SAV1: variants seen among roughly 807,000 people sequenced by gnomAD.
The protein encoded by SAV1 is salvador family WW domain containing protein 1.
A neutral mutation model predicts 47.3 loss-of-function variants in SAV1; 23 were observed. That is an observed-to-expected ratio of 0.49 (90% CI 0.35 to 0.69). The LOEUF is 0.69. Among genes scored for constraint, SAV1 ranks in the 30% least tolerant of loss-of-function variants. SAV1 has a pLI of 0.01. For synonymous variants in SAV1, 155 were observed against 159.2 expected, an observed-to-expected ratio of 0.97 and a Z score of 0.20; for missense variants, 448 against 457.4, an observed-to-expected ratio of 0.98 and a Z score of 0.19.
chr14:50,648,774 T>C (rs2140254386), intron 2 of SAV1, among the ~76,000 whole-genome samples: 1 of 150,934 alleles, frequency 6.6e-6, no homozygotes, highest in Non-Finnish European at 1.5e-5. Context: ...CAAGACTCCG[T>C]CTCAAAAAAA....
intron 1 of SAV1, among the ~76,000 whole-genome samples, chr14:50,666,553 G>C (rs1349651511): frequency 1.3e-5 from 2 of 151,994 alleles, no homozygotes; most frequent in Non-Finnish European, 2.9e-5. Context: ...TTGATGTAAC[G>C]ACAACAAAAC....
intron 4 of SAV1, chr14:50,638,023 C>T (rs17122714): frequency 0.18 from 27,062 of 151,966 alleles, 2,754 homozygotes; most frequent in African/African-American, 0.27. Context: ...ATCAAGAGTA[C>T]GATTATGGGT....
At chr14:50,635,407 A>G (rs761431681) in intron 4 of SAV1, 23 bp from the exon 5 acceptor site, 3 of 1,570,144 alleles carry the variant, frequency 1.9e-6, no homozygotes, top group Admixed American at 1.7e-5. Flanking sequence ...ACAATCATAT[A>G]TATGTTCACA....
intron 4 of SAV1, chr14:50,637,663 A>ATTTTTTTTTTTTTTT (rs771403561): frequency 7.8e-6 from 1 of 128,768 alleles, no homozygotes. Context: ...CAATTTTGTC[A>ATTTTTTTTTTTTTTT]GTTTTTTTTT....
At chr14:50,647,755 T>A (rs2039734966) in intron 2 of SAV1, among the ~76,000 whole-genome samples, 1 of 152,148 alleles carries the variant, frequency 6.6e-6, no homozygotes, top group Admixed American at 6.5e-5. Context: ...TACACGTCTA[T>A]GAAAATGGCC....
rs1206312840 is a variant in SAV1 at position 50,667,409 on chromosome 14, A to G, written c.94+465T>C. 5.3e-5 allele frequency: 24 copies of G among 456,100 alleles called. No homozygotes were observed. The Admixed American group carries it at 5.6e-4, about 11-fold the overall frequency. The allele number at this position is 456,100 out of a possible 1,614,324, so 28.3% of individuals were successfully genotyped here. A position where few individuals can be genotyped will look rare whatever the true frequency, so the allele number is the denominator to read the frequency against. On this transcript the variant is annotated intron_variant, in intron 1 of 4. Coordinates refer to ENST00000324679, the MANE Select transcript of SAV1 (RefSeq NM_021818.4). ...TCTCAAGTCTGCATCCGGCAGCAGG[A>G]CTAAGGAATTCTGCCCCAGAGTTCG...
At chr14:50,642,338 A>C (rs2039687165) in intron 3 of SAV1, among the ~76,000 whole-genome samples, 1 of 151,956 alleles carries the variant, frequency 6.6e-6, no homozygotes, top group Non-Finnish European at 1.5e-5. Context: ...AAAATACAAA[A>C]CTTAACCAGG....
intron 3 of SAV1, among the ~76,000 whole-genome samples, chr14:50,643,383 G>C (rs908115295): frequency 1.3e-5 from 2 of 152,164 alleles, no homozygotes; most frequent in African/African-American, 4.8e-5. Flanking sequence ...AGATGAAGGG[G>C]AAGCAAGGCA....
Position 50,644,815 on chromosome 14 carries a change from T to C in SAV1, c.735A>G (p.Ser245=). The stretch of plus-strand genomic sequence containing the variant: ...CTACATAATAGGTTCCAAATTCGGA[T>C]GACTCAACTCGTTCCCATCCAGGAG... The part of the protein sequence containing the change: ...GLPPGWERVE[S]SEFGTYYVDH... The change falls in exon 3 of 5, where the codon TCA becomes TCG. Residue 245 remains serine, a synonymous_variant. Coordinates refer to ENST00000324679, the MANE Select transcript of SAV1 (RefSeq NM_021818.4). 1 of 1,614,188 alleles carries C rather than the reference T, an allele frequency of 6.2e-7. No homozygotes were observed. The highest frequency in any genetic ancestry group is 8.5e-7 in the Non-Finnish European group (1 of 1,180,016).
In SAV1 at chr14:50,662,212, AGGCT is replaced by A. The variant is rs1363339870; in HGVS notation, c.535+2963_535+2966del. The stretch of plus-strand genomic sequence containing the variant: ...GAGACGGAGTCTCACTCTGTTGCCC[AGGCT>A]GGAGTGCAGTGGCGCAATCTCAGCT... On this transcript the variant is annotated intron_variant, in intron 2 of 4. Transcript: ENST00000324679. 2.2e-4 allele frequency among the ~76,000 whole-genome samples: 34 copies of A among 152,272 alleles called. No individual in the cohort carries two copies. The East Asian group carries it at 6.2e-3, about 28-fold the overall frequency.
chr14:50,648,858 G>C (rs2039744451), intron 2 of SAV1, among the ~76,000 whole-genome samples: 1 of 151,950 alleles, frequency 6.6e-6, no homozygotes, highest in African/African-American at 2.4e-5. Flanking sequence ...GTATTTATTT[G>C]GTTCACCACA....
At chr14:50,659,228 T>C (rs2039838767) in intron 2 of SAV1, among the ~76,000 whole-genome samples, 1 of 152,076 alleles carries the variant, frequency 6.6e-6, no homozygotes, top group Non-Finnish European at 1.5e-5. Flanking sequence ...TAAAACAAGG[T>C]CTTGGCTATT....
At position 50,668,090 on chromosome 14, in the gene SAV1, C is replaced by G; in HGVS notation, c.-123G>C. 1 of 529,194 alleles carries G rather than the reference C, an allele frequency of 1.9e-6. No homozygotes were observed. The allele number at this position is 529,194 out of a possible 1,614,324, so 32.8% of individuals were successfully genotyped here. Reference sequence around the variant, plus strand: ...CTCCTTCCCTCCCGAGCCGCCGCCTCCGCCGCCGCCTGTCCGGAGCCCGGG... The same window carrying G: ...CTCCTTCCCTCCCGAGCCGCCGCCTGCGCCGCCGCCTGTCCGGAGCCCGGG... On this transcript the variant is annotated 5_prime_UTR_variant, in exon 1 of 5. Transcript: ENST00000324679.
chr14:50,635,499 T>G, intron 4 of SAV1, 115 bp from the exon 5 acceptor site: 1 of 836,950 alleles, frequency 1.2e-6, no homozygotes, highest in Non-Finnish European at 1.8e-6. Context: ...AAACAAACCA[T>G]AAGTTTTAAT....
chr14:50,635,141 AT>A lies in SAV1; in HGVS notation c.*41del. 6.8e-7 allele frequency: 1 copy of A among 1,474,930 alleles called. No individual in the cohort carries two copies. Among genetic ancestry groups the A allele is most frequent in the Non-Finnish European group, 9.4e-7 (1 of 1,058,476 alleles). The allele number at this position is 1,474,930 out of a possible 1,614,324, so 91.4% of individuals were successfully genotyped here. On this transcript the variant is annotated 3_prime_UTR_variant, in exon 5 of 5. Transcript: ENST00000324679. ...TTTGCAATTTTTTATCTGTGAAAAT[AT>A]TTTAAAGCTCTTACAAAACTTAAAT...
At chr14:50,636,501 G>A (rs2039635597) in intron 4 of SAV1, among the ~76,000 whole-genome samples, 1 of 152,114 alleles carries the variant, frequency 6.6e-6, no homozygotes. Flanking sequence ...GCTTCAGTGT[G>A]GTGAAGGATT....
intron 2 of SAV1, among the ~76,000 whole-genome samples, chr14:50,657,882 C>G (rs2039826476): frequency 6.6e-6 from 1 of 152,180 alleles, no homozygotes; most frequent in Admixed American, 6.5e-5. Flanking sequence ...AAAACTTAAT[C>G]TCATACAACC....
In SAV1 at chr14:50,665,420, A is replaced by G. The variant is rs200521101; in HGVS notation, c.294T>C (p.Tyr98=). ...GGACATCTGCTAGACTTCTGGCAAGATAAGAAGGTGCAGATAATCTGTTGC... is the reference window on the plus strand; with the variant it reads ...GGACATCTGCTAGACTTCTGGCAAGGTAAGAAGGTGCAGATAATCTGTTGC... ...RESNRLSAPS[Y]LARSLADVPR... Residue 98 remains tyrosine, a synonymous_variant, in exon 2 of 5, where the codon TAT becomes TAC. Coordinates refer to ENST00000324679, the MANE Select transcript of SAV1 (RefSeq NM_021818.4). 1.9e-6 allele frequency: 3 copies of G among 1,613,076 alleles called. No homozygotes were observed. Among genetic ancestry groups the G allele is most frequent in the Non-Finnish European group, 2.5e-6 (3 of 1,179,354 alleles).
chr14:50,665,701 C>G (rs187669437), intron 1 of SAV1, 82 bp from the exon 2 acceptor site: 6 of 1,225,712 alleles, frequency 4.9e-6, no homozygotes, highest in Admixed American at 5.9e-5. Flanking sequence ...ATGTCTACCA[C>G]CCCAAAATCA....
Sources: gnomAD v4.1 joint callset for allele counts (sites outside exome capture counted in the v4.1 genomes callset) on GRCh38, gnomAD v4.1.1 for gene constraint, MANE v1.5 for transcripts, NCBI Gene and HGNC (gene_info 2026-07-23, HGNC 2026-07-21) for gene names.